CSMD1: variants seen among roughly 807,000 people sequenced by gnomAD.
The protein encoded by CSMD1 is CUB and sushi domain-containing protein 1.
CSMD1 carries 213 observed loss-of-function variants against 417.5 expected under a neutral mutation model. The ratio of observed to expected loss-of-function variants is 0.51; its 90% CI spans 0.46 to 0.57. The LOEUF (loss-of-function observed/expected upper bound fraction) is 0.57. Among genes scored for constraint, CSMD1 ranks in the 20% least tolerant of loss-of-function variants. CSMD1 has a pLI of 0.00. For missense variants in CSMD1, 6,923 were observed against 4,529.7 expected, an observed-to-expected ratio of 1.53 and a Z score of -15.17; for synonymous variants, 2,862 against 1,736.8, an observed-to-expected ratio of 1.65 and a Z score of -16.11.
At chr8:3,420,423 G>GA (rs76802434) in intron 12 of CSMD1, among the ~76,000 whole-genome samples, 1,533 of 110,582 alleles carry the variant, frequency 0.014, 16 homozygotes, top group East Asian at 0.083. Flanking sequence ...AGGACACTAG[G>GA]AAAAAAAAAA....
rs1382790105 is a variant in CSMD1 at position 3,342,538 on chromosome 8, T to C, written c.3631+756A>G. Among the ~76,000 whole-genome samples the C allele has an allele frequency of 2.6e-5, 4 of 152,264 alleles. No homozygotes were observed. The East Asian group carries it at 7.7e-4, about 29-fold the overall frequency. On this transcript the variant is annotated intron_variant, in intron 23 of 69. Transcript: ENST00000635120. ...CACACCAAATAGCTTTTTCTTTTAC[T>C]TCAGAACTAAAAATGCTGAAAGTGG...
chr8:4,059,317 C>G (rs867876992), intron 3 of CSMD1, among the ~76,000 whole-genome samples: 1 of 87,858 alleles, frequency 1.1e-5, no homozygotes, highest in Admixed American at 9.2e-5. Flanking sequence ...ATTTATAGCA[C>G]TAAATGTCCA....
At chr8:4,900,031 C>T (rs755223228) in intron 1 of CSMD1, among the ~76,000 whole-genome samples, 1 of 152,156 alleles carries the variant, frequency 6.6e-6, no homozygotes, top group Non-Finnish European at 1.5e-5. Context: ...CTCTCTTCCT[C>T]AAAATACGAC....
intron 1 of CSMD1, among the ~76,000 whole-genome samples, chr8:4,933,882 T>TCATTTCAA (rs1268597086): frequency 6.6e-6 from 1 of 152,198 alleles, no homozygotes; most frequent in Non-Finnish European, 1.5e-5. Context: ...CAGAGAAGCA[T>TCATTTCAA]CATTTCAAGT....
intron 2 of CSMD1, among the ~76,000 whole-genome samples, chr8:4,632,831 T>A (rs555873027): frequency 6.6e-6 from 1 of 152,166 alleles, no homozygotes; most frequent in Admixed American, 6.5e-5. Flanking sequence ...GAAAGACGCA[T>A]ACTATTCAGA....
intron 8 of CSMD1, among the ~76,000 whole-genome samples, chr8:3,604,356 G>C (rs966608031): frequency 1.1e-4 from 16 of 152,262 alleles, no homozygotes; most frequent in Non-Finnish European, 1.5e-4. Flanking sequence ...CACGGAACAG[G>C]TACCTCATGG....
At position 3,986,035 on chromosome 8, in the gene CSMD1, G is replaced by C. The variant is rs138567263; in HGVS notation, c.818+11868C>G. Among the ~76,000 whole-genome samples the C allele has an allele frequency of 1.1e-4, 17 of 151,850 alleles. No individual in the cohort carries two copies. The East Asian group carries it at 3.3e-3, about 30-fold the overall frequency. On this transcript the variant is annotated intron_variant, in intron 5 of 69. Coordinates refer to ENST00000635120, the MANE Select transcript of CSMD1 (RefSeq NM_033225.6). ...CCCTGCTTCTCTTTGCTATCTCAAA[G>C]CCCTGTCTTTTCCTCTTCATTATAT... is the stretch of plus-strand genomic sequence containing the variant.
chr8:4,958,791 C>A (rs1484844848), intron 1 of CSMD1, among the ~76,000 whole-genome samples: 1 of 152,090 alleles, frequency 6.6e-6, no homozygotes, highest in Non-Finnish European at 1.5e-5. Context: ...AAAAGCGGGG[C>A]TTTCATGAAG....
intron 3 of CSMD1, among the ~76,000 whole-genome samples, chr8:4,150,494 G>A (rs369727973): frequency 5.1e-4 from 78 of 152,274 alleles, no homozygotes; most frequent in African/African-American, 1.8e-3. Flanking sequence ...TCACAACAGA[G>A]ATATCTTCTA....
chr8:3,276,670 G>T (rs34205766), intron 26 of CSMD1, among the ~76,000 whole-genome samples: 16 of 151,908 alleles, frequency 1.1e-4, no homozygotes, highest in Middle Eastern at 6.8e-3. Context: ...TAAAATAGCA[G>T]TTACATATTT....
At chr8:3,273,195 G>A (rs376648415) in intron 26 of CSMD1, among the ~76,000 whole-genome samples, 1 of 150,672 alleles carries the variant, frequency 6.6e-6, no homozygotes, top group Non-Finnish European at 1.5e-5. Flanking sequence ...ATAATCATGT[G>A]GTTTTTGTCT....
intron 3 of CSMD1, among the ~76,000 whole-genome samples, chr8:4,167,292 T>C (rs891674916): frequency 1.3e-5 from 2 of 152,186 alleles, no homozygotes; most frequent in Non-Finnish European, 2.9e-5. Flanking sequence ...AATTCGTGTC[T>C]ATAACAGAAA....
At chr8:4,189,886 C>T (rs1798912492) in intron 3 of CSMD1, among the ~76,000 whole-genome samples, 1 of 151,946 alleles carries the variant, frequency 6.6e-6, no homozygotes, top group African/African-American at 2.4e-5. Context: ...AGCCTTGAAT[C>T]ATTTCTAAGC....
intron 3 of CSMD1, among the ~76,000 whole-genome samples, chr8:4,079,339 G>A (rs545801973): frequency 5.9e-5 from 9 of 152,208 alleles, no homozygotes; most frequent in Non-Finnish European, 1.0e-4. Flanking sequence ...CCCTTGGAAC[G>A]AAATATACTT....
intron 5 of CSMD1, among the ~76,000 whole-genome samples, chr8:3,941,905 C>G (rs1367414028): frequency 2.0e-5 from 3 of 152,106 alleles, no homozygotes; most frequent in Admixed American, 1.3e-4. Flanking sequence ...GGAATTGGGC[C>G]ATACAGCAGG....
At chr8:4,889,405 A>G (rs1334431947) in intron 1 of CSMD1, among the ~76,000 whole-genome samples, 1 of 152,168 alleles carries the variant, frequency 6.6e-6, no homozygotes, top group African/African-American at 2.4e-5. Context: ...GCAGTGAGTA[A>G]GCCTGAATCC....
intron 8 of CSMD1, among the ~76,000 whole-genome samples, chr8:3,590,977 A>G (rs778580845): frequency 1.3e-5 from 2 of 152,216 alleles, no homozygotes; most frequent in Non-Finnish European, 2.9e-5. Flanking sequence ...CAGATATAAC[A>G]TCAGATAATC....
At chr8:4,266,589 G>T (rs1378522433) in intron 3 of CSMD1, among the ~76,000 whole-genome samples, 1 of 104,656 alleles carries the variant, frequency 9.6e-6, no homozygotes, top group Non-Finnish European at 2.6e-5. Flanking sequence ...CACCATACAG[G>T]TATGTCCCCA....
intron 3 of CSMD1, among the ~76,000 whole-genome samples, chr8:4,294,552 C>G (rs1040995739): frequency 1.3e-5 from 2 of 152,140 alleles, no homozygotes; most frequent in Non-Finnish European, 2.9e-5. Flanking sequence ...AATCACTTGT[C>G]CATGGTGCCA....
Sources: gnomAD v4.1 joint callset for allele counts (sites outside exome capture counted in the v4.1 genomes callset) on GRCh38, gnomAD v4.1.1 for gene constraint, MANE v1.5 for transcripts, NCBI Gene and HGNC (gene_info 2026-07-23, HGNC 2026-07-21) for gene names.